Variants in TLN2 observed in about 807,000 individuals in gnomAD.
TLN2 encodes talin-2.
In TLN2, 118 loss-of-function variants were observed where a neutral mutation model predicts 294.7. That is an observed-to-expected ratio of 0.40 (90% CI 0.34 to 0.47). TLN2 has a LOEUF of 0.47. TLN2 is among the 20% of genes least tolerant of loss of function. TLN2 has a pLI of 0.84. For synonymous variants in TLN2, 1,431 were observed against 1,304.5 expected, an observed-to-expected ratio of 1.10 and a Z score of -2.09; for missense variants, 3,083 against 3,282.2, an observed-to-expected ratio of 0.94 and a Z score of 1.48.
In TLN2 at chr15:62,739,422, T is replaced by C. The variant is rs200335619; in HGVS notation, c.3762T>C (p.Ser1254=). 12 of 1,614,176 alleles carry C rather than the reference T, an allele frequency of 7.4e-6. No individual in the cohort carries two copies. In the Admixed American group the frequency reaches 1.8e-4, roughly 25 times the overall value. ...LNQAAADLNQ[S]AGEVVHATRG... is the part of the protein sequence containing the mutation. ...AGGCAGCAGCTGATCTGAACCAGTC[T>C]GCTGGGGAAGTGGTCCATGCCACCC... Residue 1254 remains serine (S), a synonymous_variant, in exon 31 of 59, where the codon TCT becomes TCC. Transcript: ENST00000636159.
chr15:62,832,887 G>GT (rs1402462824), intron 54 of TLN2: 3 of 151,876 alleles, frequency 2.0e-5, no homozygotes, highest in African/African-American at 7.3e-5. Flanking sequence ...CTAGAAGAGA[G>GT]TAAGTGCTAT....
intron 54 of TLN2, among the ~76,000 whole-genome samples, chr15:62,822,013 G>A (rs2067611323): frequency 6.6e-6 from 1 of 152,138 alleles, no homozygotes; most frequent in Non-Finnish European, 1.5e-5. Context: ...CATGTCAGTT[G>A]ACACATTCGT....
intron 1 of TLN2, among the ~76,000 whole-genome samples, chr15:62,532,247 G>A (rs571281074): frequency 6.6e-6 from 1 of 151,678 alleles, no homozygotes; most frequent in South Asian, 2.1e-4. Context: ...AGGGTTTCTT[G>A]GTTTTTTTGT....
chr15:62,676,121 A>G (rs1318693943), intron 11 of TLN2, among the ~76,000 whole-genome samples: 8 of 152,192 alleles, frequency 5.3e-5, no homozygotes, highest in Admixed American at 3.3e-4. Flanking sequence ...CTGAAGTAGG[A>G]AGGACAAAAC....
At chr15:62,654,559 G>A (rs2052971586) in intron 7 of TLN2, among the ~76,000 whole-genome samples, 1 of 151,760 alleles carries the variant, frequency 6.6e-6, no homozygotes, top group African/African-American at 2.4e-5. Context: ...TTTGAGACCA[G>A]CCTGACCAAC....
chr15:62,524,628 C>T (rs1449410549), intron 1 of TLN2, among the ~76,000 whole-genome samples: 1 of 152,152 alleles, frequency 6.6e-6, no homozygotes, highest in African/African-American at 2.4e-5. Flanking sequence ...TTAAACAGCC[C>T]TGTTTTGGCA....
rs1471325519 is a variant in TLN2, at chr15:62,840,646, C to T, written c.*36C>T. ...CCAGATGGCGAGCCCCAGGGGATGG[C>T]CCTGGCTGAACTGGACAGACAGTGT... On this transcript the variant is annotated 3_prime_UTR_variant, in exon 59 of 59. Coordinates refer to ENST00000636159, the MANE Select transcript of TLN2 (RefSeq NM_015059.3). 3 of 1,606,476 alleles carry T rather than the reference C, an allele frequency of 1.9e-6. No individual in the cohort carries two copies. Among genetic ancestry groups the T allele is most frequent in the South Asian group, 2.2e-5 (2 of 89,784 alleles).
At chr15:62,827,285 G>T (rs561627123) in intron 54 of TLN2, among the ~76,000 whole-genome samples, 2 of 152,216 alleles carry the variant, frequency 1.3e-5, no homozygotes, top group Non-Finnish European at 2.9e-5. Flanking sequence ...GGGTAAGGAC[G>T]TTGAGGAGGA....
intron 45 of TLN2, among the ~76,000 whole-genome samples, chr15:62,789,266 T>G (rs567969512): frequency 6.6e-6 from 1 of 152,262 alleles, no homozygotes; most frequent in South Asian, 2.1e-4. Context: ...GGCACAGCGC[T>G]GAATATGGAG....
chr15:62,647,497 C>T (rs2052021373), intron 4 of TLN2, 51 bp downstream of exon 4: 1 of 1,610,798 alleles, frequency 6.2e-7, no homozygotes, highest in Non-Finnish European at 8.5e-7. Context: ...GCATGTTTTT[C>T]ACTTTTTTGC....
chr15:62,627,393 G>A (rs1436677320), intron 3 of TLN2, among the ~76,000 whole-genome samples: 1 of 152,148 alleles, frequency 6.6e-6, no homozygotes, highest in East Asian at 1.9e-4. Context: ...GGAGGGAGTT[G>A]GTGAATTTTG....
intron 9 of TLN2, among the ~76,000 whole-genome samples, chr15:62,670,314 T>G (rs2055245012): frequency 6.6e-6 from 1 of 152,198 alleles, no homozygotes; most frequent in Non-Finnish European, 1.5e-5. Flanking sequence ...TGTGTTCAGG[T>G]GGACCCACTT....
chr15:62,717,756 TC>T, intron 24 of TLN2, 67 bp downstream of exon 24: 1 of 1,156,416 alleles, frequency 8.6e-7, no homozygotes, highest in South Asian at 1.9e-5. Flanking sequence ...GAACACCAAG[TC>T]CCCTGGTAGT....
At chr15:62,636,845 A>T (rs66576035) in intron 3 of TLN2, among the ~76,000 whole-genome samples, 40,155 of 152,150 alleles carry the variant, frequency 0.26, 6,630 homozygotes, top group East Asian at 0.66. Context: ...TAAGCGCAGC[A>T]TGAAGAGAGT....
chr15:62,735,026 A>T (rs962718022), intron 28 of TLN2, among the ~76,000 whole-genome samples: 1 of 152,164 alleles, frequency 6.6e-6, no homozygotes, highest in Non-Finnish European at 1.5e-5. Flanking sequence ...TGATTTGCGT[A>T]TTTTTCACGT....
intron 43 of TLN2, among the ~76,000 whole-genome samples, chr15:62,777,877 C>G (rs1221372925): frequency 6.6e-6 from 1 of 152,168 alleles, no homozygotes; most frequent in Non-Finnish European, 1.5e-5. Context: ...GTTCTTTCCC[C>G]CAAAGAATCC....
chr15:62,825,846 A>ATTATATATATTATAT (rs72171191), intron 54 of TLN2, among the ~76,000 whole-genome samples: 1 of 80,490 alleles, frequency 1.2e-5, no homozygotes, highest in African/African-American at 8.0e-5. Context: ...AATATATATA[A>ATTATATATATTATAT]ATATATTATA....
chr15:62,626,424 C>A (rs1399874714), intron 3 of TLN2, among the ~76,000 whole-genome samples: 1 of 152,144 alleles, frequency 6.6e-6, no homozygotes. Flanking sequence ...ATATTATAGT[C>A]AAAGATTCAG....
intron 54 of TLN2, among the ~76,000 whole-genome samples, chr15:62,823,593 TG>T (rs1470227233): frequency 6.6e-6 from 1 of 152,190 alleles, no homozygotes; most frequent in Non-Finnish European, 1.5e-5. Flanking sequence ...ACAGTAATTT[TG>T]TCTAAAATGC....
Sources: allele counts gnomAD v4.1 joint callset (sites outside exome capture counted in the v4.1 genomes callset), GRCh38; gene constraint gnomAD v4.1.1; transcripts MANE v1.5; gene names NCBI Gene and HGNC (gene_info 2026-07-23, HGNC 2026-07-21).